The following CAMKMT variants were observed in gnomAD, a reference collection of about 807,000 sequenced individuals.
The protein encoded by CAMKMT is calmodulin-lysine N-methyltransferase.
Under a neutral mutation model 48.0 loss-of-function variants are expected in CAMKMT, and 53 were observed. The observed-to-expected ratio is 1.10, with a 90% CI of 0.89 to 1.39. The LOEUF is 1.39. CAMKMT is among the 40% of genes most tolerant of loss of function. The pLI is 0.00. For missense variants in CAMKMT, 428 were observed against 402.7 expected (o/e 1.06, Z -0.54); for synonymous variants, 165 against 152.3 (o/e 1.08, Z -0.61).
In CAMKMT at chr2:44,522,501, A is replaced by G. The variant is rs145333729; in HGVS notation, c.376+132196A>G. On this transcript the variant is annotated intron_variant, in intron 3 of 10. Coordinates refer to ENST00000378494, the MANE Select transcript of CAMKMT (RefSeq NM_024766.5). ...TCCCCTTAAGATACTTAGAACCCCT[A>G]TTGTTATCACAGGAGGTCTTCTACA... Among the ~76,000 whole-genome samples, 160 of 152,278 alleles carry G rather than the reference A, an allele frequency of 1.1e-3. 1 individual carries two copies. Among genetic ancestry groups the G allele is most frequent in the African/African-American group, 3.7e-3 (153 of 41,550 alleles).
chr2:44,767,515 G>A (rs1189962179), intron 10 of CAMKMT, among the ~76,000 whole-genome samples: 1 of 152,134 alleles, frequency 6.6e-6, no homozygotes, highest in African/African-American at 2.4e-5. Flanking sequence ...GCAAGAGAAA[G>A]AAATTCTCAC....
chr2:44,593,895 C>G (rs1483958527), intron 3 of CAMKMT, among the ~76,000 whole-genome samples: 1 of 151,310 alleles, frequency 6.6e-6, no homozygotes, highest in Non-Finnish European at 1.5e-5. Context: ...TCCCAAGTAG[C>G]TGGGACTACA....
Position 44,754,065 on chromosome 2 carries a change from G to C in CAMKMT, c.709G>C (p.Asp237His). The C allele has an allele frequency of 6.2e-7, 1 of 1,613,646 alleles. No homozygotes were observed. Among genetic ancestry groups the C allele is most frequent in the South Asian group, 1.1e-5 (1 of 91,008 alleles). The stretch of plus-strand genomic sequence containing the variant: ...TCTTCTCAATGTCAGCCTGTTTCTG[G>C]ACCAGTACAGAGCCAGCCTTGTTGA... ...IVMCADCLFL[D>H]QYRASLVDAI... Residue 237 changes from aspartate to histidine, a missense_variant, in exon 9 of 11, where the codon GAC (aspartate) becomes CAC (histidine). Asp to His is a moderately conservative substitution (Grantham distance 81). Coordinates refer to ENST00000378494, the MANE Select transcript of CAMKMT (RefSeq NM_024766.5).
chr2:44,464,940 A>G (rs1668033495), intron 3 of CAMKMT, among the ~76,000 whole-genome samples: 1 of 152,238 alleles, frequency 6.6e-6, no homozygotes, highest in Non-Finnish European at 1.5e-5. Flanking sequence ...ACAGAATCCT[A>G]TAATCTGTTA....
intron 3 of CAMKMT, among the ~76,000 whole-genome samples, chr2:44,589,883 T>TAAAAAAAAAAAAAAAAAAAAAAAAA (rs1218817837): frequency 4.3e-5 from 1 of 23,252 alleles, no homozygotes; most frequent in Non-Finnish European, 8.8e-5. Flanking sequence ...GAATGATCAA[T>TAAAAAAAAAAAAAAAAAAAAAAAAA]AAAAAAAAAA....
intron 9 of CAMKMT, among the ~76,000 whole-genome samples, chr2:44,763,306 G>A (rs1680694718): frequency 6.6e-6 from 1 of 152,216 alleles, no homozygotes; most frequent in South Asian, 2.1e-4. Flanking sequence ...TGCACAGAAT[G>A]CTGCTCTCTA....
chr2:44,619,964 C>T (rs1167947227), intron 3 of CAMKMT, among the ~76,000 whole-genome samples: 1 of 152,178 alleles, frequency 6.6e-6, no homozygotes, highest in Non-Finnish European at 1.5e-5. Flanking sequence ...AGTGACAACC[C>T]ATGCCCAGTC....
intron 3 of CAMKMT, among the ~76,000 whole-genome samples, chr2:44,679,626 C>T (rs548765134): frequency 1.3e-5 from 2 of 152,310 alleles, no homozygotes; most frequent in South Asian, 2.1e-4. Context: ...CTAATTTTAA[C>T]GTTAACAATG....
chr2:44,370,043 T>C (rs1572648234), intron 1 of CAMKMT: 1 of 152,034 alleles, frequency 6.6e-6, no homozygotes, highest in African/African-American at 2.4e-5. Flanking sequence ...GTGATGCCGG[T>C]TTATCATATT....
chr2:44,549,618 C>T (rs1667594592), intron 3 of CAMKMT: 1 of 681,434 alleles, frequency 1.5e-6, no homozygotes, highest in Non-Finnish European at 2.6e-6. Flanking sequence ...AGTGCAGCCT[C>T]AAACTCCTGA....
chr2:44,625,534 CT>C (rs539013596), intron 3 of CAMKMT, among the ~76,000 whole-genome samples: 69 of 151,740 alleles, frequency 4.5e-4, no homozygotes, highest in Non-Finnish European at 8.7e-4. Context: ...TCTAAGTTAT[CT>C]TTTTTTTCTT....
At chr2:44,417,310 G>T (rs937014629) in intron 3 of CAMKMT, among the ~76,000 whole-genome samples, 1 of 152,080 alleles carries the variant, frequency 6.6e-6, no homozygotes, top group Non-Finnish European at 1.5e-5. Flanking sequence ...CAGGAGAATT[G>T]CTTGAATCCG....
intron 3 of CAMKMT, among the ~76,000 whole-genome samples, chr2:44,667,787 T>G (rs1262846077): frequency 6.6e-6 from 1 of 152,178 alleles, no homozygotes. Flanking sequence ...CTGTGATAGC[T>G]CCACTCCAAC....
chr2:44,513,660 T>G (rs751576098), intron 3 of CAMKMT, among the ~76,000 whole-genome samples: 1 of 152,166 alleles, frequency 6.6e-6, no homozygotes, highest in Non-Finnish European at 1.5e-5. Flanking sequence ...CAGAACTTAC[T>G]TCTCTTTCCC....
intron 3 of CAMKMT, among the ~76,000 whole-genome samples, chr2:44,607,019 C>G (rs1671325172): frequency 6.6e-6 from 1 of 152,158 alleles, no homozygotes; most frequent in Non-Finnish European, 1.5e-5. Context: ...TGATTTGTCA[C>G]ATAACACCTC....
chr2:44,767,385 C>T (rs906510762), intron 10 of CAMKMT, among the ~76,000 whole-genome samples: 6 of 152,124 alleles, frequency 3.9e-5, no homozygotes, highest in African/African-American at 9.7e-5. Context: ...AATAAAGGCC[C>T]GAGCTTAATT....
At chr2:44,385,733 A>G (rs928651669) in intron 2 of CAMKMT, among the ~76,000 whole-genome samples, 1 of 152,216 alleles carries the variant, frequency 6.6e-6, no homozygotes, top group African/African-American at 2.4e-5. Flanking sequence ...TGAGATGATC[A>G]TGTGATTTTT....
At chr2:44,667,996 T>A (rs1363387314) in intron 3 of CAMKMT, among the ~76,000 whole-genome samples, 1 of 152,206 alleles carries the variant, frequency 6.6e-6, no homozygotes, top group Non-Finnish European at 1.5e-5. Context: ...CTAATTAAAC[T>A]CTGAGCCTGT....
At chr2:44,458,374 T>C (rs948213757) in intron 3 of CAMKMT, among the ~76,000 whole-genome samples, 5 of 152,070 alleles carry the variant, frequency 3.3e-5, no homozygotes, top group African/African-American at 4.8e-5. Flanking sequence ...AATGACTGAG[T>C]CACCTCGTGA....
Sources: allele counts gnomAD v4.1 joint callset (sites outside exome capture counted in the v4.1 genomes callset), GRCh38; gene constraint gnomAD v4.1.1; transcripts MANE v1.5; gene names NCBI Gene and HGNC (gene_info 2026-07-23, HGNC 2026-07-21).